Variants in PHF3 observed in about 807,000 individuals in gnomAD.
PHF3 encodes the protein PHD finger protein 3.
PHF3 carries 41 observed loss-of-function variants against 178.4 expected under a neutral mutation model. That is an observed-to-expected ratio of 0.23 (90% CI 0.18 to 0.30). PHF3 has a LOEUF of 0.30. PHF3 is among the 10% of genes least tolerant of loss of function. The pLI is 1.00. For missense variants in PHF3, 2,346 were observed against 2,398.1 expected (o/e 0.98, Z 0.45); for synonymous variants, 842 against 800.5 (o/e 1.05, Z -0.88).
intron 1 of PHF3, among the ~76,000 whole-genome samples, chr6:63,640,834 C>T (rs1340819838): frequency 1.3e-5 from 2 of 152,106 alleles, no homozygotes; most frequent in Admixed American, 1.3e-4. Flanking sequence ...TGACTGTTGA[C>T]ATTTTTGGCT....
At chr6:63,703,901 A>C (rs1767584742) in intron 11 of PHF3, among the ~76,000 whole-genome samples, 1 of 152,154 alleles carries the variant, frequency 6.6e-6, no homozygotes, top group Non-Finnish European at 1.5e-5. Context: ...TTTGAACTTA[A>C]AAACTGTTCT....
Position 63,706,857 on chromosome 6 carries a change from C to T in PHF3, c.3692C>T (p.Ser1231Phe). 1 of 1,613,802 alleles carries T rather than the reference C, an allele frequency of 6.2e-7. No individual in the cohort carries two copies. Among genetic ancestry groups the T allele is most frequent in the Non-Finnish European group, 8.5e-7 (1 of 1,179,848 alleles). Residue 1231 changes from serine to phenylalanine, a missense_variant, in exon 13 of 16, where the codon TCC becomes TTC. Coordinates refer to ENST00000262043, the MANE Select transcript of PHF3 (RefSeq NM_001370348.2). The stretch of plus-strand genomic sequence containing the variant: ...ACCAAAGCCTATCCAGTATCTGGCT[C>T]CCCAGAATACCTGACAGAGGTACTG... ...FVTKAYPVSG[S>F]PEYLTEDLPD...
intron 2 of PHF3, chr6:63,678,718 C>G: frequency 2.8e-6 from 1 of 353,072 alleles, no homozygotes; most frequent in South Asian, 2.3e-5. Context: ...TTATTTTGAT[C>G]AAAGCATATG....
chr6:63,721,848 T>G lies in PHF3; in HGVS notation c.*8140T>G. On this transcript the variant is annotated 3_prime_UTR_variant, in exon 16 of 16. Coordinates refer to ENST00000262043, the MANE Select transcript of PHF3 (RefSeq NM_001370348.2). ...GATTAGCAACAGTAAAAGTTTCCAT[T>G]GAAAACTTTTGCTGTTTCTGGCCAA... The G allele has an allele frequency of 6.7e-7, 1 of 1,482,800 alleles. No homozygotes were observed. The allele number at this position is 1,482,800 out of a possible 1,614,324, so 91.9% of individuals were successfully genotyped here. A position where few individuals can be genotyped will look rare whatever the true frequency, so the allele number is the denominator to read the frequency against.
At chr6:63,675,437 G>T (rs1766122568) in intron 2 of PHF3, among the ~76,000 whole-genome samples, 1 of 152,086 alleles carries the variant, frequency 6.6e-6, no homozygotes, top group South Asian at 2.1e-4. Context: ...AATGAGAATG[G>T]CACCTAGTAC....
intron 2 of PHF3, 84 bp downstream of exon 2, chr6:63,646,879 T>G: frequency 9.8e-7 from 1 of 1,018,336 alleles, no homozygotes; most frequent in Non-Finnish European, 1.3e-6. Context: ...CTTTTTTCTT[T>G]TTTTCTTTTT....
chr6:63,700,583 T>C (rs1394808788), intron 9 of PHF3, 117 bp downstream of exon 9: 2 of 574,810 alleles, frequency 3.5e-6, no homozygotes, highest in East Asian at 5.9e-5. Context: ...GACTTTCTGT[T>C]ACATGCTTCT....
Position 63,713,445 on chromosome 6 carries a change from C to A in PHF3, c.5857C>A (p.Gln1953Lys), listed in dbSNP as rs375625075. The A allele has an allele frequency of 1.2e-6, 2 of 1,613,576 alleles. No homozygotes were observed. The highest frequency in any genetic ancestry group is 1.7e-6 in the Non-Finnish European group (2 of 1,179,918). The change falls in exon 16 of 16, where the codon CAA (glutamine) becomes AAA (lysine). Residue 1953 changes from glutamine to lysine, a missense_variant. By Grantham distance (53) the Gln-to-Lys change is moderately conservative (BLOSUM62 1). Transcript: ENST00000262043. ...AAGGCATAGACGCAGAGACAGAAGC[C>A]AAGACAAGGACAGAGACAGAAAAAG... ...SERHRRRDRS[Q>K]DKDRDRKSRE...
chr6:63,725,254 CAG>C lies in PHF3; in HGVS notation c.*11548_*11549del, dbSNP rs1768569016. Among the ~76,000 whole-genome samples the C allele has an allele frequency of 6.6e-6, 1 of 152,016 alleles. No individual in the cohort carries two copies. The highest frequency in any genetic ancestry group is 2.4e-5 in the African/African-American group (1 of 41,422). On this transcript the variant is annotated 3_prime_UTR_variant, in exon 16 of 16. Transcript: ENST00000262043. ...GTCTTGAACTACATGCATTGAATAA[CAG>C]ATGTAAGAAGATGTGCTCTTGCCCT...
At chr6:63,657,348 A>G (rs941913526) in intron 2 of PHF3, among the ~76,000 whole-genome samples, 10 of 152,218 alleles carry the variant, frequency 6.6e-5, no homozygotes, top group Admixed American at 4.6e-4. Flanking sequence ...CTTTGCATTC[A>G]GAAATTCGCA....
rs765820346 is a variant in PHF3 at position 63,684,393 on chromosome 6, C to T, written c.671C>T (p.Ser224Phe). Residue 224 changes from serine (S) to phenylalanine (F), a missense_variant, in exon 4 of 16, where the codon TCT becomes TTT. Transcript: ENST00000262043. ...SVSSSHSSVS[S>F]CLEMKDEDGL... ...TCTTCAAGTCATTCTTCAGTGTCAT[C>T]TTGTCTTGAAATGAAGGATGAAGAT... The T allele has an allele frequency of 6.8e-6, 11 of 1,613,972 alleles. No individual in the cohort carries two copies. In the Middle Eastern group the frequency reaches 1.3e-3, roughly 194 times the overall value.
chr6:63,653,501 T>C (rs1253654139), intron 2 of PHF3, among the ~76,000 whole-genome samples: 1 of 152,196 alleles, frequency 6.6e-6, no homozygotes, highest in East Asian at 1.9e-4. Context: ...TTTATTTTGG[T>C]ATATAGAAAT....
At chr6:63,650,407 A>C (rs1221437800) in intron 2 of PHF3, among the ~76,000 whole-genome samples, 8 of 152,204 alleles carry the variant, frequency 5.3e-5, no homozygotes, top group Non-Finnish European at 1.2e-4. Flanking sequence ...GAGTTGATTC[A>C]TATTGTGTAA....
chr6:63,676,626 C>T (rs1196329478), intron 2 of PHF3, among the ~76,000 whole-genome samples: 1 of 152,108 alleles, frequency 6.6e-6, no homozygotes, highest in Non-Finnish European at 1.5e-5. Flanking sequence ...GAGATGAAGT[C>T]AAAGAAGTTG....
intron 2 of PHF3, among the ~76,000 whole-genome samples, chr6:63,665,811 C>A (rs1344407457): frequency 6.6e-6 from 1 of 152,080 alleles, no homozygotes; most frequent in East Asian, 1.9e-4. Context: ...AAACAGTCTA[C>A]TGTTTTTACA....
chr6:63,666,931 T>C (rs910537853), intron 2 of PHF3, among the ~76,000 whole-genome samples: 1 of 152,074 alleles, frequency 6.6e-6, no homozygotes, highest in Non-Finnish European at 1.5e-5. Flanking sequence ...TTTGTATTTT[T>C]AGTAGAGACA....
chr6:63,714,593 A>C lies in PHF3; in HGVS notation c.*885A>C, dbSNP rs908447750. The C allele has an allele frequency of 6.6e-6, 1 of 152,530 alleles. No individual in the cohort carries two copies. Among genetic ancestry groups the C allele is most frequent in the African/African-American group, 2.4e-5 (1 of 41,446 alleles). 9.4% of individuals were successfully genotyped at this position (152,530 alleles called of 1,614,324 possible). ...CTATGTCAGGCATTAGATGAGGGGA[A>C]AAACAATTTTTTTAAAATCTTAAAT... On this transcript the variant is annotated 3_prime_UTR_variant, in exon 16 of 16. Coordinates refer to ENST00000262043, the MANE Select transcript of PHF3 (RefSeq NM_001370348.2).
Position 63,721,327 on chromosome 6 carries a change from A to G in PHF3, c.*7619A>G. 4 of 1,552,010 alleles carry G rather than the reference A, an allele frequency of 2.6e-6. No homozygotes were observed. Among genetic ancestry groups the G allele is most frequent in the South Asian group, 2.4e-5 (2 of 84,066 alleles). ...CATGTATTTCCAGCCCAATCTGGCA[A>G]ACATCTGCAAGAAAAAGTTGTGCCA... On this transcript the variant is annotated 3_prime_UTR_variant, in exon 16 of 16. Coordinates refer to ENST00000262043, the MANE Select transcript of PHF3 (RefSeq NM_001370348.2).
chr6:63,685,603 T>G lies in PHF3; in HGVS notation c.1881T>G (p.Cys627Trp), dbSNP rs371918903. The G allele has an allele frequency of 4.3e-6, 7 of 1,613,970 alleles. No homozygotes were observed. In the African/African-American group the frequency reaches 9.3e-5, roughly 22 times the overall value. ...TATCACATTCTAGCCAGAAACAGTG[T>G]CATAAGCCTCAGCAACAGGCCCCAG... ...GHVSHSSQKQCHKPQQQAPAM... is the reference protein window; with the variant it reads ...GHVSHSSQKQWHKPQQQAPAM... Residue 627 changes from cysteine (C) to tryptophan (W), a missense_variant, in exon 4 of 16, where the codon TGT becomes TGG. Physicochemically the swap from Cys to Trp is radical, Grantham distance 215. Around this residue, in one of 8 missense-constraint regions of PHF3, gnomAD observed 843 missense variants for 795.2 expected, o/e 1.06. Transcript: ENST00000262043.
Sources: gnomAD v4.1 joint callset for allele counts (sites outside exome capture counted in the v4.1 genomes callset) on GRCh38, gnomAD v4.1.1 for gene constraint, gnomAD v4.1.1 regional missense constraint, MANE v1.5 for transcripts, NCBI Gene and HGNC (gene_info 2026-07-23, HGNC 2026-07-21) for gene names.